The following EPC2 variants were observed in gnomAD, a reference collection of about 807,000 sequenced individuals.
EPC2 encodes enhancer of polycomb 2, also known as enhancer of polycomb homolog 2.
EPC2 carries 14 observed loss-of-function variants against 92.1 expected under a neutral mutation model. The ratio of observed to expected loss-of-function variants is 0.15; its 90% CI spans 0.10 to 0.24. EPC2 has a LOEUF of 0.24. Ranked by LOEUF, EPC2 falls within the 10% of genes least tolerant of loss-of-function variation. EPC2 has a pLI of 1.00. For synonymous variants in EPC2, 340 were observed against 334.7 expected, an observed-to-expected ratio of 1.02 and a Z score of -0.17; for missense variants, 755 against 971.5, an observed-to-expected ratio of 0.78 and a Z score of 2.96.
intron 2 of EPC2, among the ~76,000 whole-genome samples, chr2:148,706,790 C>A (rs192031591): frequency 9.9e-5 from 15 of 152,228 alleles, no homozygotes; most frequent in Non-Finnish European, 1.8e-4. Flanking sequence ...TATAGACAAA[C>A]AAATGCTGAG....
chr2:148,731,632 C>T (rs1004387147), intron 2 of EPC2, among the ~76,000 whole-genome samples: 1 of 152,294 alleles, frequency 6.6e-6, no homozygotes, highest in Non-Finnish European at 1.5e-5. Context: ...GAACTCCTTA[C>T]TTCAGGTGAT....
intron 2 of EPC2, among the ~76,000 whole-genome samples, chr2:148,709,061 G>A (rs997411953): frequency 9.2e-5 from 14 of 152,210 alleles, no homozygotes; most frequent in African/African-American, 3.1e-4. Flanking sequence ...AATTGTCCCT[G>A]TTTGCAGATG....
chr2:148,658,603 G>GTATA (rs1298472101), intron 1 of EPC2, among the ~76,000 whole-genome samples: 19 of 18,182 alleles, frequency 1.0e-3, no homozygotes, highest in Admixed American at 1.8e-3. Context: ...CTGTGTGTGT[G>GTATA]TGTGTATATA....
rs1235618554 is a variant in EPC2, at chr2:148,762,730, A to G, written c.876A>G (p.Glu292=). 1.9e-6 allele frequency: 3 copies of G among 1,611,124 alleles called. No homozygotes were observed. Among genetic ancestry groups the G allele is most frequent in the Non-Finnish European group, 2.5e-6 (3 of 1,178,654 alleles). ...ILNEVKISRS[E]KELYATPATL... is the part of the protein sequence containing the mutation. The stretch of plus-strand genomic sequence containing the variant: ...ATGAAGTAAAAATCAGTAGATCAGA[A>G]AAAGAGTTATATGCCACTCCAGCAA... Residue 292 remains glutamate (E), a synonymous_variant, in exon 6 of 14, where the codon GAA becomes GAG. Coordinates refer to ENST00000258484, the MANE Select transcript of EPC2 (RefSeq NM_015630.4).
At chr2:148,704,518 A>G (rs528176111) in intron 2 of EPC2, among the ~76,000 whole-genome samples, 42 of 152,342 alleles carry the variant, frequency 2.8e-4, no homozygotes, top group African/African-American at 9.4e-4. Context: ...CTTTTATGCT[A>G]TATGTATTTC....
chr2:148,644,945 G>T lies in EPC2; in HGVS notation c.-73G>T. The T allele has an allele frequency of 7.6e-7, 1 of 1,309,558 alleles. No individual in the cohort carries two copies. The highest frequency in any genetic ancestry group is 1.1e-6 in the Non-Finnish European group (1 of 937,092). The allele number at this position is 1,309,558 out of a possible 1,614,324, so 81.1% of individuals were successfully genotyped here. A position where few individuals can be genotyped will look rare whatever the true frequency, so the allele number is the denominator to read the frequency against. Reference sequence around the variant, plus strand: ...CACTGAGGAAGGAGGTGGAGGAGGCGGCGGGAGTCCTCCCCCCCTCCCCGC... The same window carrying T: ...CACTGAGGAAGGAGGTGGAGGAGGCTGCGGGAGTCCTCCCCCCCTCCCCGC... On this transcript the variant is annotated 5_prime_UTR_variant, in exon 1 of 14. Transcript: ENST00000258484.
chr2:148,735,537 A>C (rs1682732898), intron 2 of EPC2, among the ~76,000 whole-genome samples: 2 of 151,902 alleles, frequency 1.3e-5, no homozygotes, highest in South Asian at 4.1e-4. Flanking sequence ...TTATGGAAAA[A>C]TTTTAACATT....
intron 10 of EPC2, among the ~76,000 whole-genome samples, chr2:148,773,035 G>A (rs1167854168): frequency 6.6e-6 from 1 of 151,998 alleles, no homozygotes; most frequent in South Asian, 2.1e-4. Flanking sequence ...CCTTCTCAAC[G>A]TGAACATTGT....
intron 2 of EPC2, among the ~76,000 whole-genome samples, chr2:148,698,702 T>TC (rs1408421534): frequency 6.7e-6 from 1 of 148,174 alleles, no homozygotes; most frequent in African/African-American, 2.5e-5. Flanking sequence ...AGCTTTTTTT[T>TC]TTTTTTTTTT....
intron 1 of EPC2, among the ~76,000 whole-genome samples, chr2:148,657,102 C>T (rs977554711): frequency 6.6e-6 from 1 of 151,500 alleles, no homozygotes; most frequent in Non-Finnish European, 1.5e-5. Context: ...TGTAGAGTCA[C>T]CTTTTAGGAC....
intron 2 of EPC2, among the ~76,000 whole-genome samples, chr2:148,727,115 AT>A (rs1682515077): frequency 6.6e-6 from 1 of 152,174 alleles, no homozygotes; most frequent in African/African-American, 2.4e-5. Context: ...AATATATGCT[AT>A]AAGGTAAGGA....
chr2:148,759,683 A>C (rs1209002619), intron 4 of EPC2, among the ~76,000 whole-genome samples: 2 of 152,104 alleles, frequency 1.3e-5, no homozygotes, highest in Non-Finnish European at 2.9e-5. Context: ...CAAAAATAGT[A>C]CTGCTGATAA....
At chr2:148,668,651 G>T (rs1681098148) in intron 1 of EPC2, among the ~76,000 whole-genome samples, 1 of 152,134 alleles carries the variant, frequency 6.6e-6, no homozygotes, top group Non-Finnish European at 1.5e-5. Flanking sequence ...AGTGAGCTTT[G>T]ATTACTTCTT....
chr2:148,783,760 C>A lies in EPC2; in HGVS notation c.2017+4C>A. On this transcript the variant is annotated splice_donor_region_variant and intron_variant, in intron 12 of 13. Coordinates refer to ENST00000258484, the MANE Select transcript of EPC2 (RefSeq NM_015630.4). ...AACGGTGTTGTCCAGCCTTCAGGTACAGCTGGGGTTTCACATGGTACCTAC... is the reference window on the plus strand; with the variant it reads ...AACGGTGTTGTCCAGCCTTCAGGTAAAGCTGGGGTTTCACATGGTACCTAC... 6.3e-7 allele frequency: 1 copy of A among 1,585,576 alleles called. No homozygotes were observed. Among genetic ancestry groups the A allele is most frequent in the Non-Finnish European group, 8.6e-7 (1 of 1,164,626 alleles).
At chr2:148,666,965 T>C (rs1363914142) in intron 1 of EPC2, among the ~76,000 whole-genome samples, 4 of 152,044 alleles carry the variant, frequency 2.6e-5, no homozygotes, top group Non-Finnish European at 4.4e-5. Flanking sequence ...CTCTTATAAG[T>C]CTAAACTCTC....
At chr2:148,763,095 C>G (rs2105424217) in intron 6 of EPC2, among the ~76,000 whole-genome samples, 1 of 152,242 alleles carries the variant, frequency 6.6e-6, no homozygotes. Flanking sequence ...GTTCAATATG[C>G]TATCTGCCTC....
chr2:148,765,088 A>G lies in EPC2; in HGVS notation c.1082A>G (p.Asn361Ser), dbSNP rs568099651. 78 of 1,607,786 alleles carry G rather than the reference A, an allele frequency of 4.9e-5. No homozygotes were observed. The African/African-American group carries it at 6.3e-4, about 13-fold the overall frequency. Residue 361 changes from asparagine to serine, a missense_variant, in exon 7 of 14, where the codon AAT (asparagine) becomes AGT (serine). Asn to Ser is a conservative substitution (Grantham distance 46). Transcript: ENST00000258484. ...QPTPETLPVI[N>S]KSDIKQYDFH... Reference sequence around the variant, plus strand: ...ACTCCTGAGACATTGCCTGTGATCAATAAGAGTGACATTAAGCAATATGAT... The same window carrying G: ...ACTCCTGAGACATTGCCTGTGATCAGTAAGAGTGACATTAAGCAATATGAT...
At chr2:148,747,196 C>T (rs963895300) in intron 3 of EPC2, among the ~76,000 whole-genome samples, 1 of 151,940 alleles carries the variant, frequency 6.6e-6, no homozygotes, top group Non-Finnish European at 1.5e-5. Context: ...CACTGCTCTC[C>T]ACTTATCACA....
chr2:148,755,989 A>G (rs896867797), intron 4 of EPC2, among the ~76,000 whole-genome samples: 6 of 152,234 alleles, frequency 3.9e-5, no homozygotes, highest in African/African-American at 1.4e-4. Context: ...GAAGGAAATT[A>G]TTGGACTTCC....
Sources: allele counts gnomAD v4.1 joint callset (sites outside exome capture counted in the v4.1 genomes callset), GRCh38; gene constraint gnomAD v4.1.1; transcripts MANE v1.5; gene names NCBI Gene and HGNC (gene_info 2026-07-23, HGNC 2026-07-21).